TTC29: variants seen among roughly 807,000 people sequenced by gnomAD.
TTC29 encodes tetratricopeptide repeat domain 29.
Under a neutral mutation model 58.1 loss-of-function variants are expected in TTC29, and 49 were observed. That is an observed-to-expected ratio of 0.84 (90% confidence interval 0.67 to 1.07). The LOEUF is 1.07. Ranked by LOEUF, TTC29 falls within the 50% of genes least tolerant of loss-of-function variation. The pLI is 0.00. For synonymous variants in TTC29, 209 were observed against 196.8 expected, an observed-to-expected ratio of 1.06 and a Z score of -0.52; for missense variants, 582 against 555.6, an observed-to-expected ratio of 1.05 and a Z score of -0.48.
intron 2 of TTC29, among the ~76,000 whole-genome samples, chr4:146,940,758 ACTT>A (rs1401394494): frequency 6.6e-6 from 1 of 152,186 alleles, no homozygotes; most frequent in Middle Eastern, 3.2e-3. Context: ...GCAACCTAAG[ACTT>A]CTTATATAGC....
chr4:146,938,958 A>T (rs1302557147), intron 3 of TTC29, among the ~76,000 whole-genome samples: 1 of 152,184 alleles, frequency 6.6e-6, no homozygotes, highest in Non-Finnish European at 1.5e-5. Context: ...AAATGTATCA[A>T]TTTCTCTGTC....
chr4:146,825,576 CT>C (rs762648648), intron 9 of TTC29, among the ~76,000 whole-genome samples: 1 of 152,156 alleles, frequency 6.6e-6, no homozygotes, highest in Non-Finnish European at 1.5e-5. Flanking sequence ...AATGTATGTT[CT>C]GTTGATTTGG....
intron 11 of TTC29, among the ~76,000 whole-genome samples, chr4:146,717,113 G>C (rs966982043): frequency 6.6e-6 from 1 of 152,158 alleles, no homozygotes; most frequent in Non-Finnish European, 1.5e-5. Context: ...TAACTATGTA[G>C]AGTAGGAGTA....
At chr4:146,927,215 C>T (rs1254199809) in intron 4 of TTC29, among the ~76,000 whole-genome samples, 1 of 151,908 alleles carries the variant, frequency 6.6e-6, no homozygotes, top group Non-Finnish European at 1.5e-5. Context: ...ATTATTAACT[C>T]AATTAATTAT....
At position 146,707,206 on chromosome 4, in the gene TTC29, A is replaced by G; in HGVS notation, c.1398-18T>C. ...CTGGAAACCTGAAATAAAATAAATT[A>G]TAAATTTAACTTTTATACTGGGCTA... On this transcript the variant is annotated intron_variant, in intron 12 of 12. Coordinates refer to ENST00000325106, the MANE Select transcript of TTC29 (RefSeq NM_031956.4). The G allele has an allele frequency of 6.8e-7, 1 of 1,461,360 alleles. No individual in the cohort carries two copies. The highest frequency in any genetic ancestry group is 9.2e-7 in the Non-Finnish European group (1 of 1,087,532). The allele number at this position is 1,461,360 out of a possible 1,614,324, so 90.5% of individuals were successfully genotyped here. A position where few individuals can be genotyped will look rare whatever the true frequency, so the allele number is the denominator to read the frequency against.
At chr4:146,892,383 G>A (rs143297521) in intron 6 of TTC29, among the ~76,000 whole-genome samples, 156 of 152,104 alleles carry the variant, frequency 1.0e-3, no homozygotes, top group Middle Eastern at 3.4e-3. Context: ...TTCAACATAC[G>A]CAAATCAATA....
Position 146,909,155 on chromosome 4 carries a change from AC to A in TTC29, c.270del (p.Trp91GlyfsTer4). 1.2e-6 allele frequency: 2 copies of A among 1,613,776 alleles called. No individual in the cohort carries two copies. Among genetic ancestry groups the A allele is most frequent in the Non-Finnish European group, 1.7e-6 (2 of 1,179,814 alleles). ...CTCGCAGCCTCCCTCAGGGCATCCCACCGCTCCATCAGAGCGAAGAGCTCGG... is the reference window on the plus strand; with the variant it reads ...CTCGCAGCCTCCCTCAGGGCATCCCACGCTCCATCAGAGCGAAGAGCTCGG... Reference protein sequence around the residue: ...SFTELFALMERWDALREAARV... With the variant: ...SFTELFALMEXWDALREAARV... On this transcript the variant is annotated frameshift_variant, in exon 5 of 13. Coordinates refer to ENST00000325106, the MANE Select transcript of TTC29 (RefSeq NM_031956.4). LOFTEE classifies it high-confidence loss of function.
At chr4:146,888,365 G>A (rs1171390197) in intron 6 of TTC29, among the ~76,000 whole-genome samples, 3 of 152,076 alleles carry the variant, frequency 2.0e-5, no homozygotes, top group Non-Finnish European at 4.4e-5. Flanking sequence ...AGACCAGGTG[G>A]GGAAGCATTG....
intron 11 of TTC29, among the ~76,000 whole-genome samples, chr4:146,801,017 G>C (rs904497261): frequency 7.9e-5 from 12 of 152,148 alleles, no homozygotes; most frequent in African/African-American, 2.2e-4. Flanking sequence ...AGCAAAACGG[G>C]CAAGATTTTC....
chr4:146,832,641 T>TTGTGTGTG (rs201136243), intron 9 of TTC29, among the ~76,000 whole-genome samples: 6 of 149,188 alleles, frequency 4.0e-5, no homozygotes, highest in Non-Finnish European at 8.9e-5. Flanking sequence ...CCAACTAATT[T>TTGTGTGTG]TGTGTGTGTG....
At chr4:146,823,855 T>C (rs1030650424) in intron 9 of TTC29, among the ~76,000 whole-genome samples, 1 of 152,196 alleles carries the variant, frequency 6.6e-6, no homozygotes, top group Non-Finnish European at 1.5e-5. Flanking sequence ...TTTATTCTCT[T>C]TGTAGCAATT....
chr4:146,786,850 T>C (rs1749056249), intron 11 of TTC29, among the ~76,000 whole-genome samples: 1 of 152,080 alleles, frequency 6.6e-6, no homozygotes, highest in South Asian at 2.1e-4. Context: ...TGGTGGCTCA[T>C]GGCTGTAATC....
intron 11 of TTC29, among the ~76,000 whole-genome samples, chr4:146,714,332 ATAAAC>A (rs1457660603): frequency 6.6e-6 from 1 of 152,184 alleles, no homozygotes; most frequent in African/African-American, 2.4e-5. Flanking sequence ...TAAAACATTA[ATAAAC>A]TTGAAGACAG....
At chr4:146,908,974 G>A (rs572090528) in intron 5 of TTC29, 52 bp downstream of exon 5, 477 of 1,474,912 alleles carry the variant, frequency 3.2e-4, no homozygotes, top group Middle Eastern at 2.2e-3. Context: ...CTTCCCCCAG[G>A]AGCTCGGTGT....
chr4:146,882,727 A>G (rs1157846849), intron 6 of TTC29, among the ~76,000 whole-genome samples: 1 of 152,118 alleles, frequency 6.6e-6, no homozygotes, highest in East Asian at 1.9e-4. Context: ...CCGAAGTATC[A>G]GTATTGATTA....
intron 6 of TTC29, among the ~76,000 whole-genome samples, chr4:146,881,788 C>T (rs931895534): frequency 6.6e-6 from 1 of 152,050 alleles, no homozygotes; most frequent in South Asian, 2.1e-4. Flanking sequence ...TGCACTATAA[C>T]CCACTGCACA....
At chr4:146,786,758 T>G (rs1749049319) in intron 11 of TTC29, among the ~76,000 whole-genome samples, 1 of 152,014 alleles carries the variant, frequency 6.6e-6, no homozygotes, top group Non-Finnish European at 1.5e-5. Flanking sequence ...ATTTAGAAAA[T>G]CTGTATAAAT....
At chr4:146,731,355 A>C (rs1306646558) in intron 11 of TTC29, among the ~76,000 whole-genome samples, 1 of 152,134 alleles carries the variant, frequency 6.6e-6, no homozygotes, top group Non-Finnish European at 1.5e-5. Context: ...GAACCAGGGA[A>C]ATACAGTGAT....
At chr4:146,727,768 C>G (rs1383686178) in intron 11 of TTC29, among the ~76,000 whole-genome samples, 2 of 152,050 alleles carry the variant, frequency 1.3e-5, no homozygotes, top group East Asian at 3.8e-4. Context: ...TGGTTGCTTC[C>G]AAGTTTTGGC....
Sources: gnomAD v4.1 joint callset for allele counts (sites outside exome capture counted in the v4.1 genomes callset) on GRCh38, gnomAD v4.1.1 for gene constraint, MANE v1.5 for transcripts, NCBI Gene and HGNC (gene_info 2026-07-23, HGNC 2026-07-21) for gene names.